The following UNC79 variants were observed in gnomAD, a reference collection of about 807,000 sequenced individuals.
UNC79 encodes the protein protein unc-79 homolog.
In UNC79, 37 loss-of-function variants were observed where a neutral mutation model predicts 283.1. That is an observed-to-expected ratio of 0.13 (90% CI 0.10 to 0.17). The LOEUF (loss-of-function observed/expected upper bound fraction) is 0.17. Ranked by LOEUF, UNC79 falls within the 10% of genes least tolerant of loss-of-function variation. The pLI, the probability that UNC79 is intolerant of heterozygous loss-of-function variation, is 1.00. For missense variants in UNC79, 2,272 were observed against 3,211.1 expected, an observed-to-expected ratio of 0.71 and a Z score of 7.07; for synonymous variants, 1,107 against 1,200.2, an observed-to-expected ratio of 0.92 and a Z score of 1.61.
intron 39 of UNC79, among the ~76,000 whole-genome samples, chr14:93,660,563 A>ATATATATATGTGTGTGTG (rs1203621990): frequency 4.9e-4 from 32 of 64,762 alleles, no homozygotes; most frequent in Non-Finnish European, 6.7e-4. Context: ...ATATATATAT[A>ATATATATATGTGTGTGTG]TGTGTGTGTG....
At chr14:93,415,738 T>G (rs1187789621) in intron 1 of UNC79, among the ~76,000 whole-genome samples, 3 of 151,710 alleles carry the variant, frequency 2.0e-5, no homozygotes, top group African/African-American at 4.8e-5. Context: ...TTCTTCCTGG[T>G]TTAGTCTTGG....
chr14:93,560,130 G>T (rs1168340159), intron 14 of UNC79, among the ~76,000 whole-genome samples: 1 of 152,020 alleles, frequency 6.6e-6, no homozygotes, highest in Non-Finnish European at 1.5e-5. Flanking sequence ...TAAACGGAAG[G>T]TACAAGGTTT....
At chr14:93,622,198 C>T in exon 30 of UNC79, 4 of 1,614,170 alleles carry the variant, frequency 2.5e-6, no homozygotes, top group East Asian at 2.2e-5. Context: ...TGAACCAAGG[C>T]GATGACGGCC....
intron 40 of UNC79, among the ~76,000 whole-genome samples, chr14:93,672,575 G>T (rs1201361022): frequency 1.3e-5 from 2 of 152,100 alleles, no homozygotes; most frequent in Admixed American, 6.5e-5. Context: ...TTAGATAGAA[G>T]AAATGAGTTC....
chr14:93,366,860 A>G (rs932262375), intron 1 of UNC79, among the ~76,000 whole-genome samples: 5 of 152,200 alleles, frequency 3.3e-5, no homozygotes, highest in African/African-American at 9.6e-5. Flanking sequence ...GGTGTGAGCC[A>G]CCGTGCCCAG....
At chr14:93,581,873 T>C (rs1321477146) in intron 19 of UNC79, among the ~76,000 whole-genome samples, 1 of 152,142 alleles carries the variant, frequency 6.6e-6, no homozygotes, top group Non-Finnish European at 1.5e-5. Flanking sequence ...TGTACATGGG[T>C]GAGAATGACT....
At chr14:93,333,926 C>G (rs939053028) in intron 1 of UNC79, among the ~76,000 whole-genome samples, 1 of 152,188 alleles carries the variant, frequency 6.6e-6, no homozygotes, top group African/African-American at 2.4e-5. Flanking sequence ...CCCAGGCATT[C>G]TGAACCCAGT....
intron 7 of UNC79, among the ~76,000 whole-genome samples, chr14:93,498,149 T>TC (rs71129643): frequency 1 from 151,476 of 151,786 alleles, 75,589 homozygotes; most frequent in Middle Eastern, 1. Flanking sequence ...GTGCCTGTAA[T>TC]CCAGCTACTC....
At chr14:93,337,855 G>A (rs1485433867) in intron 1 of UNC79, among the ~76,000 whole-genome samples, 1 of 152,122 alleles carries the variant, frequency 6.6e-6, no homozygotes, top group African/African-American at 2.4e-5. Flanking sequence ...GGGTGCCACT[G>A]TGTTTGCCTT....
At chr14:93,657,403 G>C (rs955192980) in intron 38 of UNC79, among the ~76,000 whole-genome samples, 5 of 150,202 alleles carry the variant, frequency 3.3e-5, no homozygotes, top group East Asian at 3.9e-4. Context: ...CCAGGCTGGA[G>C]TGCAGTGGCA....
chr14:93,350,354 T>C (rs893263770), intron 1 of UNC79, among the ~76,000 whole-genome samples: 2 of 152,114 alleles, frequency 1.3e-5, no homozygotes, highest in African/African-American at 4.8e-5. Flanking sequence ...TTTTGGTAAG[T>C]AAGATTGTTT....
In UNC79 at chr14:93,503,895, C is replaced by T. The variant is rs145754042; in HGVS notation, c.898+6609C>T. 4.2e-4 allele frequency among the ~76,000 whole-genome samples: 64 copies of T among 151,972 alleles called. 1 individual carries two copies. In the East Asian group the frequency reaches 9.9e-3, roughly 23 times the overall value. On this transcript the variant is annotated intron_variant, in intron 7 of 48. Transcript: ENST00000555664. ...AATTATAATGCTTTTTTGTCATCTTCTATAATCTTTGTTTTTCATCTTTTA... is the reference window on the plus strand; with the variant it reads ...AATTATAATGCTTTTTTGTCATCTTTTATAATCTTTGTTTTTCATCTTTTA...
At chr14:93,362,707 A>C (rs2054251333) in intron 1 of UNC79, among the ~76,000 whole-genome samples, 1 of 152,138 alleles carries the variant, frequency 6.6e-6, no homozygotes, top group African/African-American at 2.4e-5. Flanking sequence ...TTCCTGGCTC[A>C]GTATTGGGAG....
chr14:93,614,304 TTTA>T (rs1312338445), intron 27 of UNC79, among the ~76,000 whole-genome samples: 2 of 13,708 alleles, frequency 1.5e-4, no homozygotes, highest in African/African-American at 7.6e-4. Flanking sequence ...TTTATTTTTA[TTTA>T]TTTATTTATT....
At chr14:93,668,851 A>G (rs897382135) in intron 40 of UNC79, among the ~76,000 whole-genome samples, 1 of 146,150 alleles carries the variant, frequency 6.8e-6, no homozygotes, top group African/African-American at 2.5e-5. Flanking sequence ...GTCCTTCACA[A>G]AAAAAAAAAA....
In UNC79 at chr14:93,531,467, A is replaced by T. The variant is rs777031015; in HGVS notation, c.1094-1083A>T. ...GAAAATTTATTTTCAAATGCTCTCC[A>T]GCATCAGTTTTCATGGAAATAATTG... On this transcript the variant is annotated intron_variant, in intron 10 of 48. Coordinates refer to ENST00000555664, the Ensembl canonical transcript of UNC79. This position sits in a 1 kb window ranked among gnomAD's most constrained non-coding sequence, Gnocchi z 4.2. Among the ~76,000 whole-genome samples the T allele has an allele frequency of 2.6e-5, 4 of 152,228 alleles. No homozygotes were observed. The highest frequency in any genetic ancestry group is 4.4e-5 in the Non-Finnish European group (3 of 68,040).
rs537252654 is a variant in UNC79, at chr14:93,600,989, C to CTATG, written c.3574+220_3574+223dup. Among the ~76,000 whole-genome samples, 428 of 152,258 alleles carry CTATG rather than the reference C, an allele frequency of 2.8e-3. 1 individual carries two copies. Among genetic ancestry groups the CTATG allele is most frequent in the Non-Finnish European group, 5.1e-3 (345 of 68,030 alleles). The stretch of plus-strand genomic sequence containing the variant: ...TCAGAATTCTTTTCATTTCCTTGAC[C>CTATG]TATGATAACCATTTATGACTGTGTG... On this transcript the variant is annotated intron_variant, in intron 25 of 48. Coordinates refer to ENST00000555664, the Ensembl canonical transcript of UNC79.
At chr14:93,345,514 C>A (rs2139891808) in intron 1 of UNC79, among the ~76,000 whole-genome samples, 1 of 152,170 alleles carries the variant, frequency 6.6e-6, no homozygotes, top group Non-Finnish European at 1.5e-5. Flanking sequence ...GTGATAATAT[C>A]TATAAAATAC....
intron 1 of UNC79, among the ~76,000 whole-genome samples, chr14:93,403,696 G>A (rs1204431754): frequency 6.6e-6 from 1 of 151,926 alleles, no homozygotes; most frequent in East Asian, 1.9e-4. Flanking sequence ...TACAGAGAGG[G>A]AAAAAGCGGA....
Sources: gnomAD v4.1 joint callset for allele counts (sites outside exome capture counted in the v4.1 genomes callset) on GRCh38, gnomAD v4.1.1 for gene constraint, Gnocchi (gnomAD v3.1) non-coding constraint, MANE v1.5 for transcripts, NCBI Gene and HGNC (gene_info 2026-07-23, HGNC 2026-07-21) for gene names.